OR2A25: variants seen among roughly 807,000 people sequenced by gnomAD.
The protein encoded by OR2A25 is olfactory receptor family 2 subfamily A member 25.
For missense variants in OR2A25, 362 were observed against 368.3 expected, an observed-to-expected ratio of 0.98 and a Z score of 0.14; for synonymous variants, 162 against 148.1, an observed-to-expected ratio of 1.09 and a Z score of -0.68.
intron 1 of OR2A25, chr7:144,070,201 G>A (rs911404700): frequency 1.3e-5 from 2 of 152,094 alleles, no homozygotes; most frequent in African/African-American, 4.8e-5. Context: ...GTTGATCTAA[G>A]CAGAGAATAA....
intron 1 of OR2A25, among the ~76,000 whole-genome samples, chr7:144,073,605 G>A (rs2051083769): frequency 6.6e-6 from 1 of 152,090 alleles, no homozygotes; most frequent in South Asian, 2.1e-4. Context: ...CCCTCTATGG[G>A]TACAAAAGTC....
At position 144,074,365 on chromosome 7, in the gene OR2A25, C is replaced by T; in HGVS notation, c.146C>T (p.Ser49Leu). The T allele has an allele frequency of 6.2e-7, 1 of 1,614,114 alleles. No individual in the cohort carries two copies. Among genetic ancestry groups the T allele is most frequent in the Non-Finnish European group, 8.5e-7 (1 of 1,179,974 alleles). The change falls in exon 2 of 2, where the codon TCA becomes TTA. Residue 49 changes from serine (S) to leucine (L), a missense_variant. Ser to Leu is a moderately radical substitution (Grantham distance 145, BLOSUM62 -2). Coordinates refer to ENST00000641663, the MANE Select transcript of OR2A25 (RefSeq NM_001386096.1). Reference protein sequence around the residue: ...LGNGTILGLISLDSRLHTPMY... With the variant: ...LGNGTILGLILLDSRLHTPMY... ...AACGGGACAATCCTGGGGCTCATCT[C>T]ACTGGACTCCAGACTCCACACCCCC...
At position 144,074,705 on chromosome 7, in the gene OR2A25, G is replaced by T; in HGVS notation, c.486G>T (p.Leu162=). The change falls in exon 2 of 2, where the codon CTG becomes CTT. Residue 162 remains leucine (L), a synonymous_variant. Coordinates refer to ENST00000641663, the MANE Select transcript of OR2A25 (RefSeq NM_001386096.1). The part of the protein sequence containing the change: ...VLLALVHLVL[L]LPLSFCGPQK... ...TGGCCCTTGTCCATCTAGTGTTACT[G>T]CTACCACTGTCCTTCTGTGGACCCC... 6.2e-7 allele frequency: 1 copy of T among 1,614,084 alleles called. No individual in the cohort carries two copies. The highest frequency in any genetic ancestry group is 1.6e-4 in the Middle Eastern group (1 of 6,062).
chr7:144,074,305 T>G lies in OR2A25; in HGVS notation c.86T>G (p.Leu29Arg). ...AGGATTCAGATGCTCCTCTTTGGGC[T>G]CTTCTCCCTGTTCTACATCTTCATT... ...GPRIQMLLFG[L>R]FSLFYIFILL... The change falls in exon 2 of 2, where the codon CTC becomes CGC. Residue 29 changes from leucine to arginine, a missense_variant. Transcript: ENST00000641663. The G allele has an allele frequency of 1.2e-6, 2 of 1,614,034 alleles. No individual in the cohort carries two copies. The highest frequency in any genetic ancestry group is 1.7e-6 in the Non-Finnish European group (2 of 1,179,916).
chr7:144,072,244 C>A (rs2051072343), intron 1 of OR2A25, among the ~76,000 whole-genome samples: 1 of 151,642 alleles, frequency 6.6e-6, no homozygotes, highest in African/African-American at 2.4e-5. Context: ...CTGAAGAAGG[C>A]TATAGAGTCA....
chr7:144,074,940 T>C lies in OR2A25; in HGVS notation c.721T>C (p.Ser241Pro). 1 of 1,614,116 alleles carries C rather than the reference T, an allele frequency of 6.2e-7. No homozygotes were observed. Among genetic ancestry groups the C allele is most frequent in the Non-Finnish European group, 8.5e-7 (1 of 1,180,018 alleles). ...EGCQKAFSIC[S>P]SHLCVVGLFY... ...GTGCCAGAAAGCCTTCTCCATCTGC[T>C]CCTCCCACCTCTGTGTGGTTGGACT... The change falls in exon 2 of 2, where the codon TCC becomes CCC. Residue 241 changes from serine to proline, a missense_variant. Transcript: ENST00000641663.
In OR2A25 at chr7:144,075,418, G is replaced by A; in HGVS notation, c.*266G>A. 1 of 272,286 alleles carries A rather than the reference G, an allele frequency of 3.7e-6. No individual in the cohort carries two copies. The highest frequency in any genetic ancestry group is 6.9e-5 in the East Asian group (1 of 14,592). The allele number at this position is 272,286 out of a possible 1,614,324, so 16.9% of individuals were successfully genotyped here. A position where few individuals can be genotyped will look rare whatever the true frequency, so the allele number is the denominator to read the frequency against. ...AATTATGTGAAATATTCTGAAAGTT[G>A]GAAATAAATGTGTATCTTTTTGTTC... On this transcript the variant is annotated 3_prime_UTR_variant, in exon 2 of 2. Coordinates refer to ENST00000641663, the MANE Select transcript of OR2A25 (RefSeq NM_001386096.1).
chr7:144,075,177 C>A lies in OR2A25; in HGVS notation c.*25C>A. 1 of 1,550,378 alleles carries A rather than the reference C, an allele frequency of 6.5e-7. No homozygotes were observed. Among genetic ancestry groups the A allele is most frequent in the Non-Finnish European group, 8.8e-7 (1 of 1,134,872 alleles). ...AAAGCCTGAAAGAATAGTAAAATAG[C>A]TGGCTTCAAAGGGCTTTGAGATTAC... On this transcript the variant is annotated 3_prime_UTR_variant, in exon 2 of 2. Transcript: ENST00000641663.
intron 1 of OR2A25, among the ~76,000 whole-genome samples, chr7:144,073,244 A>T (rs1403871230): frequency 6.6e-6 from 1 of 152,160 alleles, no homozygotes; most frequent in Non-Finnish European, 1.5e-5. Flanking sequence ...GAATAATTTG[A>T]ATGTTTCTAA....
intron 1 of OR2A25, among the ~76,000 whole-genome samples, chr7:144,071,644 A>T (rs559681105): frequency 1.3e-5 from 2 of 152,288 alleles, no homozygotes; most frequent in East Asian, 1.9e-4. Flanking sequence ...TAAGACATGT[A>T]GCAGGACGTA....
rs201177523 is a variant in OR2A25, at chr7:144,074,469, C to T, written c.250C>T (p.Leu84Phe). The T allele has an allele frequency of 8.7e-5, 141 of 1,614,202 alleles. No homozygotes were observed. In the African/African-American group the frequency reaches 1.4e-3, roughly 16 times the overall value. Residue 84 changes from leucine to phenylalanine, a missense_variant, in exon 2 of 2, where the codon CTC (leucine) becomes TTC (phenylalanine). By Grantham distance (22) the Leu-to-Phe change is conservative. Coordinates refer to ENST00000641663, the MANE Select transcript of OR2A25 (RefSeq NM_001386096.1). Reference protein sequence around the residue: ...CSTVPQMLVNLLHPAKPISFA... With the variant: ...CSTVPQMLVNFLHPAKPISFA... ...CACGGTGCCCCAGATGCTGGTGAAC[C>T]TCCTGCATCCAGCCAAGCCCATCTC... is the stretch of plus-strand genomic sequence containing the variant.
In OR2A25 at chr7:144,074,962, G is replaced by C. The variant is rs1401993119; in HGVS notation, c.743G>C (p.Gly248Ala). The C allele has an allele frequency of 6.2e-7, 1 of 1,614,098 alleles. No individual in the cohort carries two copies. Among genetic ancestry groups the C allele is most frequent in the Non-Finnish European group, 8.5e-7 (1 of 1,180,030 alleles). ...SICSSHLCVV[G>A]LFYGTAIIMY... is the part of the protein sequence containing the mutation. ...TGCTCCTCCCACCTCTGTGTGGTTGGACTCTTTTATGGCACAGCCATCATC... is the reference window on the plus strand; with the variant it reads ...TGCTCCTCCCACCTCTGTGTGGTTGCACTCTTTTATGGCACAGCCATCATC... Residue 248 changes from glycine (G) to alanine (A), a missense_variant, in exon 2 of 2, where the codon GGA becomes GCA. Transcript: ENST00000641663.
chr7:144,073,249 T>C (rs1159740452), intron 1 of OR2A25, among the ~76,000 whole-genome samples: 1 of 152,120 alleles, frequency 6.6e-6, no homozygotes, highest in Non-Finnish European at 1.5e-5. Flanking sequence ...ATTTGAATGT[T>C]TCTAACATAA....
chr7:144,072,728 A>T (rs558886061), intron 1 of OR2A25, among the ~76,000 whole-genome samples: 2 of 152,198 alleles, frequency 1.3e-5, no homozygotes, highest in South Asian at 4.1e-4. Context: ...ATATGTAACA[A>T]TTTCACTGCT....
In OR2A25 at chr7:144,074,581, G is replaced by T; in HGVS notation, c.362G>T (p.Arg121Leu). The change falls in exon 2 of 2, where the codon CGG (arginine) becomes CTG (leucine). Residue 121 changes from arginine to leucine, a missense_variant. Transcript: ENST00000641663. ...CTCCTGGTGGTGATGTCCTATGATCGGTACGTGGCCATCTGCCACCCTCTC... is the reference window on the plus strand; with the variant it reads ...CTCCTGGTGGTGATGTCCTATGATCTGTACGTGGCCATCTGCCACCCTCTC... ...CLLLVVMSYD[R>L]YVAICHPLRY... 1.2e-6 allele frequency: 2 copies of T among 1,614,088 alleles called. No homozygotes were observed.
intron 1 of OR2A25, among the ~76,000 whole-genome samples, chr7:144,070,746 G>T (rs995642510): frequency 3.3e-5 from 5 of 151,660 alleles, no homozygotes; most frequent in Admixed American, 2.6e-4. Flanking sequence ...GTGACACAAA[G>T]GATTTGTTTT....
intron 1 of OR2A25, among the ~76,000 whole-genome samples, chr7:144,070,578 G>T (rs957470742): frequency 2.6e-5 from 4 of 151,708 alleles, no homozygotes; most frequent in African/African-American, 9.7e-5. Flanking sequence ...TTATTTTGAT[G>T]CTTTTGGTGT....
At position 144,075,058 on chromosome 7, in the gene OR2A25, T is replaced by C; in HGVS notation, c.839T>C (p.Phe280Ser). The C allele has an allele frequency of 6.2e-7, 1 of 1,614,122 alleles. No homozygotes were observed. Among genetic ancestry groups the C allele is most frequent in the Middle Eastern group, 1.6e-4 (1 of 6,062 alleles). The change falls in exon 2 of 2, where the codon TTC (phenylalanine) becomes TCC (serine). Residue 280 changes from phenylalanine to serine, a missense_variant. Coordinates refer to ENST00000641663, the MANE Select transcript of OR2A25 (RefSeq NM_001386096.1). Reference protein sequence around the residue: ...KKYLLLFHSLFNPMLNPLIYS... With the variant: ...KKYLLLFHSLSNPMLNPLIYS... ...TATCTCCTGCTGTTTCACAGCCTCT[T>C]CAATCCCATGCTTAATCCCCTAATT...
chr7:144,071,853 T>C (rs952710410), intron 1 of OR2A25, among the ~76,000 whole-genome samples: 11 of 152,130 alleles, frequency 7.2e-5, no homozygotes, highest in Non-Finnish European at 1.5e-5. Flanking sequence ...CACTTTTCTA[T>C]ACATTTGGGA....
Sources: allele counts gnomAD v4.1 joint callset (sites outside exome capture counted in the v4.1 genomes callset), GRCh38; gene constraint gnomAD v4.1.1; transcripts MANE v1.5; gene names NCBI Gene and HGNC (gene_info 2026-07-23, HGNC 2026-07-21).